DNAJC1: variants seen among roughly 807,000 people sequenced by gnomAD.
DNAJC1 encodes the protein DnaJ heat shock protein family (Hsp40) member C1, also known as dnaJ homolog subfamily C member 1.
DNAJC1 carries 58 observed loss-of-function variants against 76.6 expected under a neutral mutation model. That is an observed-to-expected ratio of 0.76 (90% CI 0.61 to 0.94). The LOEUF (loss-of-function observed/expected upper bound fraction) is 0.94, where lower values mean the gene tolerates loss of function less well. Among genes scored for constraint, DNAJC1 ranks in the 40% least tolerant of loss-of-function variants. The pLI, the probability that DNAJC1 is intolerant of heterozygous loss-of-function variation, is 0.00. For missense variants in DNAJC1, 689 were observed against 677.3 expected, an observed-to-expected ratio of 1.02 and a Z score of -0.19; for synonymous variants, 258 against 267.9, an observed-to-expected ratio of 0.96 and a Z score of 0.36.
chr10:21,888,659 G>C (rs1836407296), intron 7 of DNAJC1, among the ~76,000 whole-genome samples: 1 of 152,150 alleles, frequency 6.6e-6, no homozygotes. Flanking sequence ...GTTATCCTTA[G>C]CAAACTAAAC....
intron 8 of DNAJC1, among the ~76,000 whole-genome samples, chr10:21,831,842 C>G (rs890977976): frequency 8.6e-5 from 13 of 150,640 alleles, no homozygotes; most frequent in Admixed American, 2.0e-4. Context: ...TCATTCATAT[C>G]AGCTCAGTCT....
At chr10:21,874,478 T>C (rs760874542) in intron 8 of DNAJC1, among the ~76,000 whole-genome samples, 8 of 150,528 alleles carry the variant, frequency 5.3e-5, no homozygotes, top group African/African-American at 9.7e-5. Flanking sequence ...TACTGCTATA[T>C]GCTACACTAC....
At chr10:21,863,945 T>C (rs771453162) in intron 8 of DNAJC1, among the ~76,000 whole-genome samples, 1 of 152,160 alleles carries the variant, frequency 6.6e-6, no homozygotes, top group Non-Finnish European at 1.5e-5. Context: ...CTCAGGCCTT[T>C]AATCCCAAGG....
At chr10:21,803,979 G>A in intron 9 of DNAJC1, 1 of 984,950 alleles carries the variant, frequency 1.0e-6, no homozygotes, top group Non-Finnish European at 1.2e-6. Context: ...TCTGCCTTGG[G>A]TAAGTCTAGG....
intron 7 of DNAJC1, among the ~76,000 whole-genome samples, chr10:21,896,061 A>G (rs1358340354): frequency 6.6e-6 from 1 of 152,176 alleles, no homozygotes; most frequent in African/African-American, 2.4e-5. Flanking sequence ...CTAGATTTCA[A>G]CAGATGCCTC....
chr10:21,850,389 T>C (rs1027103652), intron 8 of DNAJC1, among the ~76,000 whole-genome samples: 2 of 152,004 alleles, frequency 1.3e-5, no homozygotes, highest in African/African-American at 4.8e-5. Flanking sequence ...ATAAAATACT[T>C]AGGAATAAAT....
chr10:21,928,861 A>C (rs1013505050), intron 2 of DNAJC1, among the ~76,000 whole-genome samples, 179 bp downstream of exon 2: 3 of 152,198 alleles, frequency 2.0e-5, no homozygotes, highest in Non-Finnish European at 2.9e-5. Flanking sequence ...GAATTTAGAG[A>C]TGCTAATACA....
At chr10:21,954,813 T>C (rs936893860) in intron 1 of DNAJC1, among the ~76,000 whole-genome samples, 1 of 152,166 alleles carries the variant, frequency 6.6e-6, no homozygotes, top group African/African-American at 2.4e-5. Flanking sequence ...ACTACTATTA[T>C]TATAATATAA....
At chr10:21,949,726 T>C (rs760246471) in intron 1 of DNAJC1, among the ~76,000 whole-genome samples, 1 of 151,960 alleles carries the variant, frequency 6.6e-6, no homozygotes, top group Non-Finnish European at 1.5e-5. Context: ...CAATAAGCGA[T>C]TGCCCTCTAT....
chr10:21,962,250 A>C (rs1268109914), intron 1 of DNAJC1, among the ~76,000 whole-genome samples: 1 of 152,104 alleles, frequency 6.6e-6, no homozygotes, highest in African/African-American at 2.4e-5. Flanking sequence ...CCCCTAAAAC[A>C]GTGCCAGGCA....
intron 10 of DNAJC1, among the ~76,000 whole-genome samples, chr10:21,762,768 C>A (rs1589970617): frequency 6.6e-6 from 1 of 152,212 alleles, no homozygotes; most frequent in South Asian, 2.1e-4. Context: ...CACCATCACG[C>A]CTGGCTGTAT....
intron 6 of DNAJC1, among the ~76,000 whole-genome samples, chr10:21,916,748 G>T (rs1427697498): frequency 6.6e-6 from 1 of 151,958 alleles, no homozygotes; most frequent in African/African-American, 2.4e-5. Context: ...AACAAAAAGC[G>T]ACAAAAATCT....
intron 1 of DNAJC1, among the ~76,000 whole-genome samples, chr10:21,931,185 C>A (rs1837215756): frequency 6.6e-6 from 1 of 152,120 alleles, no homozygotes; most frequent in South Asian, 2.1e-4. Context: ...CCTTATCTCC[C>A]ACCCTCTTGG....
At chr10:21,853,839 T>C (rs1835791413) in intron 8 of DNAJC1, among the ~76,000 whole-genome samples, 1 of 151,262 alleles carries the variant, frequency 6.6e-6, no homozygotes, top group Non-Finnish European at 1.5e-5. Context: ...GGAAACTGCT[T>C]TTCTGGTTCA....
rs150996870 is a variant in DNAJC1, at chr10:21,835,060, G to A, written c.979-28961C>T. Among the ~76,000 whole-genome samples the A allele has an allele frequency of 1.9e-3, 291 of 152,296 alleles. 2 individuals are homozygous for A. The highest frequency in any genetic ancestry group is 0.01 in the Middle Eastern group (3 of 294). On this transcript the variant is annotated intron_variant, in intron 8 of 11. Transcript: ENST00000376980. Reference sequence around the variant, plus strand: ...TGGGTCCCTGATCCCCGAGAAGCCTGTCTGGGAGGCACCCCCCAGTAGGGG... The same window carrying A: ...TGGGTCCCTGATCCCCGAGAAGCCTATCTGGGAGGCACCCCCCAGTAGGGG...
chr10:21,935,805 G>A (rs572647892), intron 1 of DNAJC1, among the ~76,000 whole-genome samples: 24 of 151,918 alleles, frequency 1.6e-4, no homozygotes, highest in Admixed American at 1.3e-3. Flanking sequence ...AGGCTAGATG[G>A]TAGTAAATTA....
intron 5 of DNAJC1, 139 bp downstream of exon 5, chr10:21,919,693 G>T: frequency 1.9e-6 from 1 of 535,988 alleles, no homozygotes; most frequent in Non-Finnish European, 3.1e-6. Flanking sequence ...ATAAACAATG[G>T]CACATTATTA....
At chr10:21,985,669 C>A (rs1186092873) in intron 1 of DNAJC1, among the ~76,000 whole-genome samples, 1 of 152,190 alleles carries the variant, frequency 6.6e-6, no homozygotes, top group Non-Finnish European at 1.5e-5. Context: ...TGGAATTCAT[C>A]CATGTTGTGG....
At chr10:21,928,783 T>C (rs1405813792) in intron 2 of DNAJC1, among the ~76,000 whole-genome samples, 1 of 152,160 alleles carries the variant, frequency 6.6e-6, no homozygotes, top group African/African-American at 2.4e-5. Context: ...ATACTTATCT[T>C]AAAATGTGCA....
Sources: gnomAD v4.1 joint callset for allele counts (sites outside exome capture counted in the v4.1 genomes callset) on GRCh38, gnomAD v4.1.1 for gene constraint, MANE v1.5 for transcripts, NCBI Gene and HGNC (gene_info 2026-07-23, HGNC 2026-07-21) for gene names.